The following FOXO3 variants were observed in gnomAD, a reference collection of about 807,000 sequenced individuals.
FOXO3 encodes the protein forkhead box O3, also known as forkhead box protein O3.
In FOXO3, 4 loss-of-function variants were observed where a neutral mutation model predicts 41.9. The observed-to-expected ratio is 0.10, with a 90% confidence interval of 0.05 to 0.22. FOXO3 has a LOEUF of 0.22. FOXO3 is among the 10% of genes least tolerant of loss of function. The pLI is 1.00. For missense variants in FOXO3, 534 were observed against 906.8 expected (o/e 0.59, Z 5.28); for synonymous variants, 318 against 389.3 (o/e 0.82, Z 2.16).
chr6:108,580,029 C>G (rs972141066), intron 1 of FOXO3, among the ~76,000 whole-genome samples: 1 of 152,050 alleles, frequency 6.6e-6, no homozygotes, highest in Admixed American at 6.5e-5. Context: ...GCTAAATCTT[C>G]CTTCTGTGTT....
intron 1 of FOXO3, among the ~76,000 whole-genome samples, chr6:108,563,450 G>GC (rs1372440535): frequency 1.3e-5 from 2 of 152,240 alleles, no homozygotes; most frequent in African/African-American, 4.8e-5. Flanking sequence ...TTTGAAAAGA[G>GC]CACTAGTGTG....
chr6:108,562,974 C>A (rs1321311592), intron 1 of FOXO3, among the ~76,000 whole-genome samples: 1 of 152,106 alleles, frequency 6.6e-6, no homozygotes, highest in Non-Finnish European at 1.5e-5. Flanking sequence ...ATCAGCTGCC[C>A]ATATTTGCAA....
At chr6:108,605,833 A>AGG (rs1777184067) in intron 1 of FOXO3, among the ~76,000 whole-genome samples, 1 of 152,254 alleles carries the variant, frequency 6.6e-6, no homozygotes, top group African/African-American at 2.4e-5. Context: ...ATTCGCATGT[A>AGG]GGACAGCAAA....
At chr6:108,671,600 G>A (rs1200586404) in intron 2 of FOXO3, among the ~76,000 whole-genome samples, 1 of 152,192 alleles carries the variant, frequency 6.6e-6, no homozygotes, top group Non-Finnish European at 1.5e-5. Flanking sequence ...ATGGGCTAAT[G>A]TCTTTTGACA....
At chr6:108,581,345 G>A (rs1776414980) in intron 1 of FOXO3, among the ~76,000 whole-genome samples, 2 of 152,124 alleles carry the variant, frequency 1.3e-5, no homozygotes, top group Non-Finnish European at 2.9e-5. Context: ...ATGGAAGGCA[G>A]CCCAGTCAGA....
chr6:108,626,004 G>C (rs980996649), intron 1 of FOXO3, among the ~76,000 whole-genome samples: 3 of 152,174 alleles, frequency 2.0e-5, no homozygotes, highest in African/African-American at 7.2e-5. Context: ...TTTCCTCTCA[G>C]TTCTTCCTAG....
At chr6:108,594,743 G>GGTGT (rs1776829138) in intron 1 of FOXO3, among the ~76,000 whole-genome samples, 1 of 152,220 alleles carries the variant, frequency 6.6e-6, no homozygotes, top group Non-Finnish European at 1.5e-5. Flanking sequence ...TGACCCAGTA[G>GGTGT]GTGTAGGGCA....
intron 1 of FOXO3, among the ~76,000 whole-genome samples, chr6:108,650,117 TC>T (rs1272239977): frequency 6.6e-6 from 1 of 152,116 alleles, no homozygotes; most frequent in Non-Finnish European, 1.5e-5. Flanking sequence ...GGGGAGATAA[TC>T]CAAGGGCTGA....
At chr6:108,645,077 A>T (rs1778359993) in intron 1 of FOXO3, among the ~76,000 whole-genome samples, 1 of 152,188 alleles carries the variant, frequency 6.6e-6, no homozygotes, top group Non-Finnish European at 1.5e-5. Flanking sequence ...TCTGGCCCTG[A>T]TGTTATATGA....
chr6:108,629,268 A>G (rs952200390), intron 1 of FOXO3, among the ~76,000 whole-genome samples: 3 of 152,180 alleles, frequency 2.0e-5, no homozygotes, highest in Admixed American at 6.5e-5. Flanking sequence ...CCTCTACATT[A>G]TAGAGGACCC....
chr6:108,640,952 C>T (rs980201888), intron 1 of FOXO3, among the ~76,000 whole-genome samples: 3 of 152,170 alleles, frequency 2.0e-5, no homozygotes, highest in Admixed American at 6.5e-5. Flanking sequence ...CCCACTCTGT[C>T]GCCCAGGCTA....
intron 1 of FOXO3, among the ~76,000 whole-genome samples, chr6:108,600,437 CT>C (rs1777017439): frequency 2.0e-5 from 3 of 150,156 alleles, no homozygotes; most frequent in African/African-American, 7.3e-5. Flanking sequence ...ATCCCAGCTG[CT>C]CCGGAGACTG....
At chr6:108,592,263 G>T (rs1334141128) in intron 1 of FOXO3, among the ~76,000 whole-genome samples, 1 of 152,136 alleles carries the variant, frequency 6.6e-6, no homozygotes, top group Admixed American at 6.5e-5. Flanking sequence ...CTTAAAATGG[G>T]TGCAGTTTTT....
At chr6:108,644,116 C>T (rs1778333521) in intron 1 of FOXO3, among the ~76,000 whole-genome samples, 1 of 152,130 alleles carries the variant, frequency 6.6e-6, no homozygotes, top group South Asian at 2.1e-4. Flanking sequence ...GATCCTGTTC[C>T]CTCTCCCTCT....
At chr6:108,624,074 A>T (rs1409299120) in intron 1 of FOXO3, among the ~76,000 whole-genome samples, 1 of 152,222 alleles carries the variant, frequency 6.6e-6, no homozygotes, top group South Asian at 2.1e-4. Flanking sequence ...TGCAGGGACA[A>T]GGAAATTTCA....
At chr6:108,621,766 C>T (rs1475521818) in intron 1 of FOXO3, among the ~76,000 whole-genome samples, 1 of 152,116 alleles carries the variant, frequency 6.6e-6, no homozygotes, top group Non-Finnish European at 1.5e-5. Flanking sequence ...AGGTCTGTAG[C>T]TCTCCTGAAG....
Position 108,616,531 on chromosome 6 carries a change from A to G in FOXO3, c.622-46924A>G, listed in dbSNP as rs188155373. On this transcript the variant is annotated intron_variant, in intron 1 of 2. Transcript: ENST00000406360. ...CAGGCTGGTCTCAACTCCTGGCCTC[A>G]AGCAATCCTCCCAACTCTGCTTCTC... Among the ~76,000 whole-genome samples, 13 of 152,144 alleles carry G rather than the reference A, an allele frequency of 8.5e-5. No homozygotes were observed. In the East Asian group the frequency reaches 1.7e-3, roughly 20 times the overall value.
rs544006072 is a variant in FOXO3 at position 108,597,435 on chromosome 6, A to C, written c.621+35606A>C. Among the ~76,000 whole-genome samples, 3 of 152,324 alleles carry C rather than the reference A, an allele frequency of 2.0e-5. No homozygotes were observed. In the East Asian group the frequency reaches 5.8e-4, roughly 29 times the overall value. ...GCTATGAGGATGCTCATTTAAGAGA[A>C]ATTGCTTTCTTATTAAACAGAATGA... On this transcript the variant is annotated intron_variant, in intron 1 of 2. Coordinates refer to ENST00000406360, the MANE Select transcript of FOXO3 (RefSeq NM_001455.4).
Position 108,664,131 on chromosome 6 carries a change from C to T in FOXO3, c.1298C>T (p.Thr433Met), listed in dbSNP as rs534480433. 89 of 1,614,120 alleles carry T rather than the reference C, an allele frequency of 5.5e-5. No homozygotes were observed. Among genetic ancestry groups the T allele is most frequent in the Non-Finnish European group, 7.0e-5 (83 of 1,180,042 alleles). The change falls in exon 2 of 3, where the codon ACG becomes ATG. Residue 433 changes from threonine to methionine, a missense_variant. By Grantham distance (81) the Thr-to-Met change is moderately conservative. Around this residue, in one of 8 missense-constraint regions of FOXO3, gnomAD observed 185 missense variants for 224.9 expected, o/e 0.82. Transcript: ENST00000406360. ...LGSPTSSFNS[T>M]VFGPSSLNSL... ...TCCCCAACCAGCTCCTTTAACAGCA[C>T]GGTGTTCGGACCTTCATCTCTGAAC...
Sources: allele counts gnomAD v4.1 joint callset (sites outside exome capture counted in the v4.1 genomes callset), GRCh38; gene constraint gnomAD v4.1.1; regional missense constraint gnomAD v4.1.1; transcripts MANE v1.5; gene names NCBI Gene and HGNC (gene_info 2026-07-23, HGNC 2026-07-21).